Variants in MARCHF1 observed in about 807,000 individuals in gnomAD.
The protein encoded by MARCHF1 is membrane associated ring-CH-type finger 1.
Under a neutral mutation model 54.2 loss-of-function variants are expected in MARCHF1, and 40 were observed. That is an observed-to-expected ratio of 0.74 (90% confidence interval 0.57 to 0.96). The LOEUF (loss-of-function observed/expected upper bound fraction) is 0.96, where lower values mean the gene tolerates loss of function less well. MARCHF1 is among the 40% of genes least tolerant of loss of function. MARCHF1 has a pLI of 0.00. For synonymous variants in MARCHF1, 236 were observed against 236.3 expected, an observed-to-expected ratio of 1.00 and a Z score of 0.01; for missense variants, 586 against 656.5, an observed-to-expected ratio of 0.89 and a Z score of 1.17.
At chr4:163,610,832 C>T (rs1057327384) in intron 7 of MARCHF1, among the ~76,000 whole-genome samples, 2 of 152,064 alleles carry the variant, frequency 1.3e-5, no homozygotes, top group African/African-American at 4.8e-5. Context: ...ACCACCCATC[C>T]CCCTATTCAC....
At chr4:164,011,655 C>A (rs1017991685) in intron 2 of MARCHF1, among the ~76,000 whole-genome samples, 1 of 152,134 alleles carries the variant, frequency 6.6e-6, no homozygotes, top group African/African-American at 2.4e-5. Context: ...GAATGGAAAA[C>A]ACTTATACAC....
At chr4:163,553,047 A>AAAAG (rs1553991323) in intron 8 of MARCHF1, among the ~76,000 whole-genome samples, 17 of 37,782 alleles carry the variant, frequency 4.5e-4, no homozygotes, top group African/African-American at 8.8e-4. Flanking sequence ...AAAAAAAAAA[A>AAAAG]AAAAGAAGAA....
At chr4:164,003,837 G>A (rs1753232700) in intron 2 of MARCHF1, among the ~76,000 whole-genome samples, 1 of 152,074 alleles carries the variant, frequency 6.6e-6, no homozygotes, top group African/African-American at 2.4e-5. Context: ...ACATGCATGT[G>A]TATGTTTATT....
chr4:163,814,024 T>C (rs1748466689), intron 4 of MARCHF1, among the ~76,000 whole-genome samples: 1 of 152,182 alleles, frequency 6.6e-6, no homozygotes, highest in Admixed American at 6.5e-5. Flanking sequence ...TCACAGCCTC[T>C]GGAATGTATC....
At chr4:164,262,122 A>G (rs1027041790) in intron 1 of MARCHF1, among the ~76,000 whole-genome samples, 3 of 148,110 alleles carry the variant, frequency 2.0e-5, no homozygotes, top group East Asian at 1.9e-4. Flanking sequence ...AAAAAAAAAA[A>G]AAAGAATAGA....
At chr4:164,140,500 G>C (rs1316489573) in intron 1 of MARCHF1, among the ~76,000 whole-genome samples, 1 of 151,946 alleles carries the variant, frequency 6.6e-6, no homozygotes, top group Non-Finnish European at 1.5e-5. Flanking sequence ...AGAACTACCT[G>C]CTTCCTGTTG....
intron 3 of MARCHF1, among the ~76,000 whole-genome samples, chr4:163,966,339 A>G (rs746673705): frequency 6.6e-6 from 1 of 152,116 alleles, no homozygotes; most frequent in Admixed American, 6.6e-5. Flanking sequence ...TATGTTTTTC[A>G]TAGCTATAGC....
At chr4:164,060,514 GTGA>G (rs1321844203) in intron 2 of MARCHF1, among the ~76,000 whole-genome samples, 2 of 152,008 alleles carry the variant, frequency 1.3e-5, no homozygotes, top group African/African-American at 4.8e-5. Context: ...GTAGTGAAAC[GTGA>G]TGAAGTGTAT....
chr4:164,151,584 G>T (rs945226172), intron 1 of MARCHF1, among the ~76,000 whole-genome samples: 3 of 152,048 alleles, frequency 2.0e-5, no homozygotes, highest in Non-Finnish European at 4.4e-5. Flanking sequence ...AGCTTGCTAT[G>T]CTCACAGGAT....
chr4:164,107,311 G>A (rs1755728036), intron 2 of MARCHF1, among the ~76,000 whole-genome samples: 1 of 152,098 alleles, frequency 6.6e-6, no homozygotes, highest in South Asian at 2.1e-4. Flanking sequence ...GATATATTGA[G>A]AAGACATAAT....
chr4:163,937,169 CT>C (rs1020557320), intron 3 of MARCHF1, among the ~76,000 whole-genome samples: 6 of 152,052 alleles, frequency 3.9e-5, no homozygotes, highest in African/African-American at 1.4e-4. Context: ...AGACTAAATC[CT>C]AATGTAAGCC....
intron 7 of MARCHF1, among the ~76,000 whole-genome samples, chr4:163,589,379 C>A (rs77161437): frequency 0.038 from 5,762 of 152,030 alleles, 238 homozygotes; most frequent in South Asian, 0.1. Flanking sequence ...AAGGTTATTT[C>A]CCATAGGGAA....
intron 3 of MARCHF1, among the ~76,000 whole-genome samples, chr4:163,909,542 G>C (rs1751145074): frequency 6.6e-6 from 1 of 152,298 alleles, no homozygotes; most frequent in African/African-American, 2.4e-5. Context: ...GGGTTCAATA[G>C]TCGAGTGGGA....
chr4:163,922,390 G>A (rs1035837797), intron 3 of MARCHF1, among the ~76,000 whole-genome samples: 8 of 151,896 alleles, frequency 5.3e-5, no homozygotes, highest in African/African-American at 1.2e-4. Flanking sequence ...ATATCGTTGA[G>A]GTTTTTCATG....
intron 5 of MARCHF1, among the ~76,000 whole-genome samples, chr4:163,678,188 T>C (rs923374532): frequency 1.3e-5 from 2 of 152,196 alleles, no homozygotes; most frequent in Non-Finnish European, 2.9e-5. Context: ...GGGTGTTAGA[T>C]TCAGGTCAGG....
At chr4:164,270,331 C>A (rs1470137166) in intron 1 of MARCHF1, among the ~76,000 whole-genome samples, 1 of 152,122 alleles carries the variant, frequency 6.6e-6, no homozygotes. Flanking sequence ...GCTTTCCTGC[C>A]CACCCTATTT....
chr4:164,042,536 C>T (rs1241852115), intron 2 of MARCHF1, among the ~76,000 whole-genome samples: 1 of 152,106 alleles, frequency 6.6e-6, no homozygotes, highest in African/African-American at 2.4e-5. Context: ...GATCCAATCA[C>T]CTACCACTAA....
intron 8 of MARCHF1, among the ~76,000 whole-genome samples, chr4:163,550,294 AAAAAAAGAAAAG>A (rs1739062324): frequency 6.6e-6 from 1 of 150,598 alleles, no homozygotes; most frequent in East Asian, 2.0e-4. Context: ...AAAAAAAAAA[AAAAAAAGAAAAG>A]AAAAGAAAAG....
At chr4:164,054,050 T>G (rs1320114398) in intron 2 of MARCHF1, among the ~76,000 whole-genome samples, 1 of 151,674 alleles carries the variant, frequency 6.6e-6, no homozygotes, top group African/African-American at 2.4e-5. Flanking sequence ...ATATCTAGAA[T>G]CTACAATGAA....
Sources: allele counts gnomAD v4.1 joint callset (sites outside exome capture counted in the v4.1 genomes callset), GRCh38; gene constraint gnomAD v4.1.1; transcripts MANE v1.5; gene names NCBI Gene and HGNC (gene_info 2026-07-23, HGNC 2026-07-21).